SLC25A42: variants seen among roughly 807,000 people sequenced by gnomAD.
The protein encoded by SLC25A42 is solute carrier family 25 member 42.
A neutral mutation model predicts 34.7 loss-of-function variants in SLC25A42; 19 were observed. The ratio of observed to expected loss-of-function variants is 0.55; its 90% CI spans 0.38 to 0.80. The LOEUF is 0.80. Ranked by LOEUF, SLC25A42 falls within the 30% of genes least tolerant of loss-of-function variation. The pLI is 0.00. For missense variants in SLC25A42, 364 were observed against 441.3 expected (o/e 0.82, Z 1.57); for synonymous variants, 205 against 191.2 (o/e 1.07, Z -0.59).
chr19:19,108,093 C>G lies in SLC25A42; in HGVS notation c.649+48C>G, dbSNP rs1048779579. 3 of 1,520,912 alleles carry G rather than the reference C, an allele frequency of 2.0e-6. No individual in the cohort carries two copies. The South Asian group carries it at 3.9e-5, about 20-fold the overall frequency. The allele number at this position is 1,520,912 out of a possible 1,614,324, so 94.2% of individuals were successfully genotyped here. Reference sequence around the variant, plus strand: ...GGAGGGGACGTTCAGGAAGCATTCCCTGGGGACAGCAGCTCCACCTGGGTC... The same window carrying G: ...GGAGGGGACGTTCAGGAAGCATTCCGTGGGGACAGCAGCTCCACCTGGGTC... On this transcript the variant is annotated intron_variant, in intron 7 of 7. Coordinates refer to ENST00000318596, the MANE Select transcript of SLC25A42 (RefSeq NM_178526.5).
chr19:19,090,890 G>A (rs1225855479), intron 1 of SLC25A42, among the ~76,000 whole-genome samples: 1 of 152,184 alleles, frequency 6.6e-6, no homozygotes, highest in Non-Finnish European at 1.5e-5. Flanking sequence ...CATATTTTAG[G>A]CTATTATGTC....
chr19:19,098,880 C>T (rs957835968), intron 2 of SLC25A42, among the ~76,000 whole-genome samples: 17 of 149,752 alleles, frequency 1.1e-4, no homozygotes, highest in Admixed American at 2.7e-4. Flanking sequence ...GCCAAAATTG[C>T]GCCACCGCAC....
rs777120256 is a variant in SLC25A42 at position 19,110,583 on chromosome 19, C to T, written c.664C>T (p.Arg222Trp). 8 of 1,437,912 alleles carry T rather than the reference C, an allele frequency of 5.6e-6. No individual in the cohort carries two copies. Among genetic ancestry groups the T allele is most frequent in the Non-Finnish European group, 7.3e-6 (8 of 1,102,866 alleles). 89.1% of individuals were successfully genotyped at this position (1,437,912 alleles called of 1,614,324 possible). ...KSLHREYSGR[R>W]QPYPFERMIF... ...TCGCCCTGCAGAGTACAGCGGCCGC[C>T]GGCAGCCCTACCCCTTCGAGCGCAT... Residue 222 changes from arginine to tryptophan, a missense_variant, in exon 8 of 8, where the codon CGG becomes TGG. Arg to Trp is a moderately radical substitution (Grantham distance 101). Transcript: ENST00000318596.
In SLC25A42 at chr19:19,110,688, G is replaced by C; in HGVS notation, c.769G>C (p.Ala257Pro). The C allele has an allele frequency of 6.3e-7, 1 of 1,578,270 alleles. No individual in the cohort carries two copies. Among genetic ancestry groups the C allele is most frequent in the Non-Finnish European group, 8.6e-7 (1 of 1,163,444 alleles). Residue 257 changes from alanine to proline, a missense_variant, in exon 8 of 8, where the codon GCC becomes CCC. Transcript: ENST00000318596. Reference sequence around the variant, plus strand: ...TGTGGTGCGGCGGCGCATGCAGACGGCCGGCGTCACGGGCTACCCGCGCGC... The same window carrying C: ...TGTGGTGCGGCGGCGCATGCAGACGCCCGGCGTCACGGGCTACCCGCGCGC... ...LDVVRRRMQT[A>P]GVTGYPRASI...
intron 2 of SLC25A42, among the ~76,000 whole-genome samples, chr19:19,100,806 A>G (rs1286544534): frequency 1.3e-5 from 2 of 152,160 alleles, no homozygotes; most frequent in Non-Finnish European, 2.9e-5. Context: ...GCCCTTCAGG[A>G]TGCCCTTGCC....
At chr19:19,098,447 T>A (rs1392689645) in intron 2 of SLC25A42, among the ~76,000 whole-genome samples, 1 of 152,094 alleles carries the variant, frequency 6.6e-6, no homozygotes, top group Non-Finnish European at 1.5e-5. Flanking sequence ...AAAAATAAAA[T>A]TAGCTGGGTG....
intron 2 of SLC25A42, among the ~76,000 whole-genome samples, chr19:19,099,947 C>T (rs963648681): frequency 5.3e-5 from 8 of 151,628 alleles, no homozygotes; most frequent in Non-Finnish European, 2.9e-5. Context: ...ACGCTGGTCT[C>T]GAACTCCTGA....
At chr19:19,094,560 G>A (rs115932637) in intron 1 of SLC25A42, among the ~76,000 whole-genome samples, 2,930 of 152,196 alleles carry the variant, frequency 0.019, 99 homozygotes, top group African/African-American at 0.068. Context: ...TTTGAAGCAG[G>A]TGTTTCTCCC....
intron 7 of SLC25A42, among the ~76,000 whole-genome samples, chr19:19,108,455 G>C (rs954058177): frequency 2.0e-5 from 3 of 152,080 alleles, no homozygotes; most frequent in African/African-American, 7.2e-5. Flanking sequence ...AGGCTGCGGT[G>C]GGAGGATCAC....
At chr19:19,076,894 T>C (rs905895171) in intron 1 of SLC25A42, among the ~76,000 whole-genome samples, 1 of 152,128 alleles carries the variant, frequency 6.6e-6, no homozygotes, top group Non-Finnish European at 1.5e-5. Context: ...TTCTTAAAAA[T>C]TGTGGTGGGC....
chr19:19,102,605 A>T (rs988562555), intron 3 of SLC25A42, among the ~76,000 whole-genome samples: 6 of 151,932 alleles, frequency 3.9e-5, no homozygotes, highest in African/African-American at 1.4e-4. Flanking sequence ...TTAGCTGGAC[A>T]TGGTGGCGGG....
chr19:19,104,867 TCTGTC>T (rs1188140903), intron 3 of SLC25A42, 41 bp from the exon 4 acceptor site: 1 of 1,613,048 alleles, frequency 6.2e-7, no homozygotes, highest in Admixed American at 1.7e-5. Context: ...GATGGGAGGT[TCTGTC>T]CTTTGCATCT....
At position 19,112,458 on chromosome 19, in the gene SLC25A42, G is replaced by C. The variant is rs2059871111; in HGVS notation, c.*1582G>C. ...TATCCCTTACCCAGCACTTAAACTT[G>C]GCAGGAGAGGCAGGGCAACCCTCAC... On this transcript the variant is annotated 3_prime_UTR_variant, in exon 8 of 8. Transcript: ENST00000318596. This position sits in a 1 kb window ranked among gnomAD's most constrained non-coding sequence, Gnocchi z 4.3. 1 of 152,366 alleles carries C rather than the reference G, an allele frequency of 6.6e-6. No homozygotes were observed. 9.4% of individuals were successfully genotyped at this position (152,366 alleles called of 1,614,324 possible).
chr19:19,100,495 T>TC, intron 2 of SLC25A42, among the ~76,000 whole-genome samples: 1 of 152,124 alleles, frequency 6.6e-6, no homozygotes, highest in Middle Eastern at 3.4e-3. Context: ...CTCCTTGTGG[T>TC]CCCCCAGGGT....
intron 1 of SLC25A42, among the ~76,000 whole-genome samples, chr19:19,087,727 A>C (rs2059715336): frequency 6.6e-6 from 1 of 152,356 alleles, no homozygotes; most frequent in South Asian, 2.1e-4. Flanking sequence ...TTATTGAGCT[A>C]CTTGGAAAAA....
At chr19:19,077,542 G>T (rs1437530065) in intron 1 of SLC25A42, among the ~76,000 whole-genome samples, 2 of 152,188 alleles carry the variant, frequency 1.3e-5, no homozygotes, top group African/African-American at 2.4e-5. Context: ...TCGACATTTG[G>T]ATGTGTATAA....
At chr19:19,083,005 A>G (rs977025561) in intron 1 of SLC25A42, among the ~76,000 whole-genome samples, 1 of 151,912 alleles carries the variant, frequency 6.6e-6, no homozygotes, top group Non-Finnish European at 1.5e-5. Flanking sequence ...TATTTTTAGG[A>G]GAGGTGAGGT....
At position 19,105,977 on chromosome 19, in the gene SLC25A42, C is replaced by T. The variant is rs2059825189; in HGVS notation, c.380+250C>T. ...TTGTCTCCAGACGTTTCTCCACCCC[C>T]ACGCATAAATCCCAGAGGGGCAGGT... On this transcript the variant is annotated intron_variant, in intron 5 of 7. Coordinates refer to ENST00000318596, the MANE Select transcript of SLC25A42 (RefSeq NM_178526.5). 5.4e-6 allele frequency: 3 copies of T among 558,864 alleles called. 1 individual carries two copies. In the South Asian group the frequency reaches 7.3e-5, roughly 14 times the overall value. 34.6% of individuals were successfully genotyped at this position (558,864 alleles called of 1,614,324 possible).
rs112968719 is a variant in SLC25A42, at chr19:19,096,308, T to A, written c.81+103T>A. The A allele has an allele frequency of 0.013, 8,413 of 646,420 alleles. 209 individuals carry two copies. The African/African-American group carries it at 0.17, about 13-fold the overall frequency. 40.0% of individuals were successfully genotyped at this position (646,420 alleles called of 1,614,324 possible). A position where few individuals can be genotyped will look rare whatever the true frequency, so the allele number is the denominator to read the frequency against. ...TCCTCCTCCCAGCCTCTGCACCCCC[T>A]CCAAACAGGCTCAGGGATTCCTCTG... On this transcript the variant is annotated intron_variant, in intron 2 of 7. Coordinates refer to ENST00000318596, the MANE Select transcript of SLC25A42 (RefSeq NM_178526.5).
Sources: gnomAD v4.1 joint callset for allele counts (sites outside exome capture counted in the v4.1 genomes callset) on GRCh38, gnomAD v4.1.1 for gene constraint, Gnocchi (gnomAD v3.1) non-coding constraint, MANE v1.5 for transcripts, NCBI Gene and HGNC (gene_info 2026-07-23, HGNC 2026-07-21) for gene names.